The following EPHB2 variants were observed in gnomAD, a reference collection of about 807,000 sequenced individuals.
The protein encoded by EPHB2 is ephrin type-B receptor 2.
EPHB2 carries 18 observed loss-of-function variants against 96.4 expected under a neutral mutation model. The ratio of observed to expected loss-of-function variants is 0.19; its 90% confidence interval spans 0.13 to 0.28. EPHB2 has a LOEUF of 0.28. Among genes scored for constraint, EPHB2 ranks in the 10% least tolerant of loss-of-function variants. EPHB2 has a pLI of 1.00. For synonymous variants in EPHB2, 506 were observed against 534.1 expected (o/e 0.95, Z 0.72); for missense variants, 989 against 1,355.4 (o/e 0.73, Z 4.25).
chr1:22,754,203 AC>A (rs5773017), intron 1 of EPHB2, among the ~76,000 whole-genome samples: 140,902 of 152,120 alleles, frequency 0.93, 66,211 homozygotes, highest in East Asian at 1. Context: ...CCCAAACCAA[AC>A]CAAAATGGTG....
At chr1:22,884,987 C>T (rs1364784909) in intron 6 of EPHB2, among the ~76,000 whole-genome samples, 3 of 152,142 alleles carry the variant, frequency 2.0e-5, no homozygotes, top group Non-Finnish European at 4.4e-5. Context: ...GTGTCCCCAG[C>T]GCCTGGCACA....
intron 1 of EPHB2, among the ~76,000 whole-genome samples, chr1:22,739,479 G>A (rs1375456534): frequency 1.3e-5 from 2 of 152,186 alleles, no homozygotes; most frequent in Non-Finnish European, 2.9e-5. Context: ...GCCTCCCAAA[G>A]TGCTGGGATT....
chr1:22,889,357 A>G (rs1639322523), intron 6 of EPHB2, among the ~76,000 whole-genome samples: 1 of 152,190 alleles, frequency 6.6e-6, no homozygotes. Flanking sequence ...CACCCAGTTT[A>G]CAGAATCTAA....
At chr1:22,833,611 A>G (rs890214401) in intron 3 of EPHB2, among the ~76,000 whole-genome samples, 3 of 152,216 alleles carry the variant, frequency 2.0e-5, no homozygotes, top group African/African-American at 4.8e-5. Flanking sequence ...GACAGAATAT[A>G]TAACTTCTGA....
chr1:22,779,815 A>G (rs998148336), intron 1 of EPHB2, among the ~76,000 whole-genome samples: 1 of 152,224 alleles, frequency 6.6e-6, no homozygotes, highest in African/African-American at 2.4e-5. Flanking sequence ...TTCCTGGAAC[A>G]CTGTGGCAAG....
At chr1:22,793,826 A>C (rs1479049252) in intron 3 of EPHB2, among the ~76,000 whole-genome samples, 1 of 152,238 alleles carries the variant, frequency 6.6e-6, no homozygotes, top group Non-Finnish European at 1.5e-5. Flanking sequence ...AGAGAGGGTC[A>C]TCAAGCTGCC....
At chr1:22,728,922 G>A (rs572345694) in intron 1 of EPHB2, among the ~76,000 whole-genome samples, 10 of 152,284 alleles carry the variant, frequency 6.6e-5, no homozygotes, top group African/African-American at 1.9e-4. Context: ...GTGTTTTCTC[G>A]GCTCCCTGAC....
chr1:22,778,831 T>G, intron 1 of EPHB2, among the ~76,000 whole-genome samples: 1 of 152,226 alleles, frequency 6.6e-6, no homozygotes, highest in East Asian at 1.9e-4. Context: ...TTTTAGTGTG[T>G]GACTTTGGCA....
At chr1:22,711,169 G>A (rs1643127636) in intron 1 of EPHB2, 126 bp downstream of exon 1, 1 of 146,496 alleles carries the variant, frequency 6.8e-6, no homozygotes. Flanking sequence ...GGCGCAGGTG[G>A]CCGCGGGGAG....
At position 22,878,755 on chromosome 1, in the gene EPHB2, TC is replaced by T. The variant is rs767881168; in HGVS notation, c.1304-3603del. Among the ~76,000 whole-genome samples the T allele has an allele frequency of 3.3e-5, 5 of 152,236 alleles. No individual in the cohort carries two copies. In the East Asian group the frequency reaches 7.7e-4, roughly 24 times the overall value. On this transcript the variant is annotated intron_variant, in intron 5 of 15. Coordinates refer to ENST00000374630, the MANE Select transcript of EPHB2 (RefSeq NM_017449.5). ...CATACGGGTCTGTTGGACTCCACCC[TC>T]AGGGCTCCCCACCGCTAGGCTAGAC...
At chr1:22,765,546 CAA>C (rs10667863) in intron 1 of EPHB2, among the ~76,000 whole-genome samples, 10 of 115,192 alleles carry the variant, frequency 8.7e-5, no homozygotes, top group African/African-American at 7.0e-5. Context: ...GACCCTGTCG[CAA>C]AAAAAAAAAA....
At chr1:22,849,829 AC>A (rs1645598335) in intron 3 of EPHB2, among the ~76,000 whole-genome samples, 1 of 152,184 alleles carries the variant, frequency 6.6e-6, no homozygotes, top group Admixed American at 6.5e-5. Context: ...TGGAAAAAAA[AC>A]TGCCCTGCAC....
intron 3 of EPHB2, among the ~76,000 whole-genome samples, chr1:22,835,275 G>A (rs901892664): frequency 6.6e-6 from 1 of 152,078 alleles, no homozygotes; most frequent in Non-Finnish European, 1.5e-5. Context: ...AGCTACTCAG[G>A]AGGCTAAGGC....
At chr1:22,815,994 T>C (rs1461650544) in intron 3 of EPHB2, among the ~76,000 whole-genome samples, 6 of 152,170 alleles carry the variant, frequency 3.9e-5, no homozygotes, top group East Asian at 1.9e-4. Flanking sequence ...AATCCAACTT[T>C]ACCATTCACG....
chr1:22,744,880 A>G (rs1180422385), intron 1 of EPHB2, among the ~76,000 whole-genome samples: 4 of 152,002 alleles, frequency 2.6e-5, no homozygotes, highest in African/African-American at 9.7e-5. Flanking sequence ...GAAAAAAAGA[A>G]AATCACAAGG....
intron 3 of EPHB2, among the ~76,000 whole-genome samples, chr1:22,788,674 A>G (rs538904244): frequency 5.9e-5 from 9 of 151,402 alleles, no homozygotes; most frequent in Non-Finnish European, 1.3e-4. Flanking sequence ...CCTCTCCCCC[A>G]GGTCTGGGAA....
At chr1:22,728,851 C>T (rs892331624) in intron 1 of EPHB2, among the ~76,000 whole-genome samples, 5 of 152,202 alleles carry the variant, frequency 3.3e-5, no homozygotes, top group African/African-American at 1.2e-4. Flanking sequence ...TCCTTAGGGG[C>T]CCTGAATTGG....
chr1:22,829,366 AC>A (rs1050126440), intron 3 of EPHB2, among the ~76,000 whole-genome samples: 1 of 152,186 alleles, frequency 6.6e-6, no homozygotes, highest in Non-Finnish European at 1.5e-5. Flanking sequence ...TTAGGGGCCC[AC>A]CAGATCAGCT....
At chr1:22,728,772 C>CCT (rs1383516400) in intron 1 of EPHB2, among the ~76,000 whole-genome samples, 2 of 152,330 alleles carry the variant, frequency 1.3e-5, no homozygotes, top group East Asian at 3.9e-4. Context: ...AGGGAAAAGG[C>CCT]CTCTGGAGGT....
Sources: allele counts gnomAD v4.1 joint callset (sites outside exome capture counted in the v4.1 genomes callset), GRCh38; gene constraint gnomAD v4.1.1; transcripts MANE v1.5; gene names NCBI Gene and HGNC (gene_info 2026-07-23, HGNC 2026-07-21).